The following MEGF6 variants were observed in gnomAD, a reference collection of about 807,000 sequenced individuals.
MEGF6 encodes multiple epidermal growth factor-like domains protein 6.
A neutral mutation model predicts 207.1 loss-of-function variants in MEGF6; 184 were observed. The observed-to-expected ratio is 0.89, with a 90% CI of 0.79 to 1.00. The LOEUF is 1.00. Among genes scored for constraint, MEGF6 ranks in the 50% least tolerant of loss-of-function variants. The pLI is 0.00. For missense variants in MEGF6, 2,282 were observed against 2,202.9 expected (o/e 1.04, Z -0.72); for synonymous variants, 1,038 against 910.0 (o/e 1.14, Z -2.53).
Position 3,492,920 on chromosome 1 carries a change from T to C in MEGF6, c.4388-153A>G, listed in dbSNP as rs1640433206. The stretch of plus-strand genomic sequence containing the variant: ...GGAGCTAAGACCTTGGGCCTCGGTT[T>C]CCCCTGAGGAGTAAACAGTCCCTGC... On this transcript the variant is annotated intron_variant, in intron 34 of 36. Transcript: ENST00000356575. The C allele has an allele frequency of 4.9e-6, 5 of 1,030,460 alleles. No individual in the cohort carries two copies. The East Asian group carries it at 1.1e-4, about 22-fold the overall frequency. 63.8% of individuals were successfully genotyped at this position (1,030,460 alleles called of 1,614,324 possible). A position where few individuals can be genotyped will look rare whatever the true frequency, so the allele number is the denominator to read the frequency against.
chr1:3,498,216 G>T (rs1281034761), intron 26 of MEGF6, among the ~76,000 whole-genome samples, 155 bp downstream of exon 26: 1 of 152,180 alleles, frequency 6.6e-6, no homozygotes, highest in Non-Finnish European at 1.5e-5. Context: ...CTCCCAACAG[G>T]GTCTTAGTGC....
rs1364136948 is a variant in MEGF6 at position 3,611,290 on chromosome 1, C to T, written c.-22G>A. 4.2e-6 allele frequency: 6 copies of T among 1,435,208 alleles called. No homozygotes were observed. The highest frequency in any genetic ancestry group is 3.0e-5 in the African/African-American group (2 of 67,488). 88.9% of individuals were successfully genotyped at this position (1,435,208 alleles called of 1,614,324 possible). ...ACATCGTGCGCGCCGGTGCCTCCTC[C>T]GCTCTCCGGCTCACAGGCGGCCCCG... On this transcript the variant is annotated 5_prime_UTR_variant, in exon 1 of 37. Transcript: ENST00000356575.
chr1:3,531,288 C>T, intron 4 of MEGF6: 1 of 1,295,922 alleles, frequency 7.7e-7, no homozygotes, highest in Non-Finnish European at 9.8e-7. Flanking sequence ...GGACCAACCG[C>T]GCTGCGCCCT....
rs1643148310 is a variant in MEGF6, at chr1:3,560,013, A to C, written c.481+19812T>G. On this transcript the variant is annotated intron_variant, in intron 4 of 36. Transcript: ENST00000356575. The surrounding 1 kb of genome is among the most constrained non-coding windows in gnomAD (Gnocchi z 4.0). ...CAACAGTATGAGAGTCCGTCTCAAA[A>C]TAAAAGAAAAAAAAAAAAAAAAAGG... 7.0e-6 allele frequency among the ~76,000 whole-genome samples: 1 copy of C among 142,596 alleles called. No homozygotes were observed. Among genetic ancestry groups the C allele is most frequent in the African/African-American group, 2.6e-5 (1 of 38,452 alleles). 93.5% of individuals were successfully genotyped at this position (142,596 alleles called of 152,430 possible). A position where few individuals can be genotyped will look rare whatever the true frequency, so the allele number is the denominator to read the frequency against.
Position 3,558,659 on chromosome 1 carries a change from T to C in MEGF6, c.481+21166A>G, listed in dbSNP as rs572367055. 4.6e-4 allele frequency among the ~76,000 whole-genome samples: 70 copies of C among 152,324 alleles called. 1 individual carries two copies. The highest frequency in any genetic ancestry group is 1.6e-3 in the African/African-American group (67 of 41,562). Reference sequence around the variant, plus strand: ...AGGGGAAAAACACAGAAACCAGAACTGCGTTAGGGATAAAAATCCCTTCCT... The same window carrying C: ...AGGGGAAAAACACAGAAACCAGAACCGCGTTAGGGATAAAAATCCCTTCCT... On this transcript the variant is annotated intron_variant, in intron 4 of 36. Transcript: ENST00000356575.
rs1569909165 is a variant in MEGF6, at chr1:3,490,495, A to T, written c.*33T>A. 1 of 1,611,388 alleles carries T rather than the reference A, an allele frequency of 6.2e-7. No individual in the cohort carries two copies. The highest frequency in any genetic ancestry group is 8.5e-7 in the Non-Finnish European group (1 of 1,178,676). On this transcript the variant is annotated 3_prime_UTR_variant, in exon 37 of 37. Coordinates refer to ENST00000356575, the MANE Select transcript of MEGF6 (RefSeq NM_001409.4). ...AAGGCCAGGGTCCCCTCTGGCTGGG[A>T]CTGGAGAGGCGGGCTCCACGGGACT...
At chr1:3,497,212 T>C in intron 27 of MEGF6, 21 bp downstream of exon 27, 1 of 1,508,404 alleles carries the variant, frequency 6.6e-7, no homozygotes, top group East Asian at 2.4e-5. Flanking sequence ...CTCCTCGGGG[T>C]GGGGGCTTGG....
intron 23 of MEGF6, 78 bp downstream of exon 23, chr1:3,499,510 G>A (rs910666685): frequency 6.6e-7 from 1 of 1,524,304 alleles, no homozygotes; most frequent in Non-Finnish European, 8.8e-7. Flanking sequence ...CTCAGGACAG[G>A]TGGCAGGAGG....
At chr1:3,508,346 C>T (rs138193706) in intron 13 of MEGF6, among the ~76,000 whole-genome samples, 6 of 152,342 alleles carry the variant, frequency 3.9e-5, no homozygotes, top group Non-Finnish European at 5.9e-5. Context: ...CCAGGGAATC[C>T]TTACTGCCTG....
At chr1:3,547,544 G>A (rs1432807449) in intron 4 of MEGF6, among the ~76,000 whole-genome samples, 1 of 152,150 alleles carries the variant, frequency 6.6e-6, no homozygotes, top group Non-Finnish European at 1.5e-5. Context: ...CCTTGGCTCT[G>A]AGGCCAGGAG....
In MEGF6 at chr1:3,581,389, C is replaced by G. The variant is rs559911112; in HGVS notation, c.377-1460G>C. Among the ~76,000 whole-genome samples, 44 of 152,302 alleles carry G rather than the reference C, an allele frequency of 2.9e-4. 1 individual carries two copies. In the East Asian group the frequency reaches 8.3e-3, roughly 29 times the overall value. On this transcript the variant is annotated intron_variant, in intron 3 of 36. Coordinates refer to ENST00000356575, the MANE Select transcript of MEGF6 (RefSeq NM_001409.4). ...CAGCCTCTTCCCTCCAGCCAAACAC[C>G]TGCAGCCTGAGGATGTGTCCGAACG...
chr1:3,502,012 C>A, intron 17 of MEGF6, 91 bp from the exon 18 acceptor site: 1 of 1,215,264 alleles, frequency 8.2e-7, no homozygotes, highest in South Asian at 1.7e-5. Flanking sequence ...GAGTGTGCCC[C>A]CTGTGCCTCA....
At chr1:3,616,249 C>T (rs147473889), upstream of MEGF6, among the ~76,000 whole-genome samples, 194 of 152,284 alleles carry the variant, frequency 1.3e-3, no homozygotes, top group African/African-American at 4.1e-3. Flanking sequence ...GAAAGCTCCC[C>T]GAACGAACAT....
intron 4 of MEGF6, among the ~76,000 whole-genome samples, chr1:3,530,601 G>A (rs79435356): frequency 0.028 from 4,297 of 152,282 alleles, 204 homozygotes; most frequent in African/African-American, 0.098. Context: ...CAGGCCACCA[G>A]GGTTCTCAGC....
Position 3,500,662 on chromosome 1 carries a change from G to A in MEGF6, c.2678C>T (p.Ala893Val). The A allele has an allele frequency of 1.3e-6, 2 of 1,568,492 alleles. No individual in the cohort carries two copies. Among genetic ancestry groups the A allele is most frequent in the Non-Finnish European group, 1.7e-6 (2 of 1,156,976 alleles). ...DAISGLCLCE[A>V]GYVGPRCEQQ... is the part of the protein sequence containing the mutation. ...CTCGCACCGCGGGCCCACGTAGCCAGCCTCACACAGACACAGGCCGCTGAT... is the reference window on the plus strand; with the variant it reads ...CTCGCACCGCGGGCCCACGTAGCCAACCTCACACAGACACAGGCCGCTGAT... Residue 893 changes from alanine to valine, a missense_variant, in exon 21 of 37, where the codon GCT becomes GTT. Ala to Val is a moderately conservative substitution (Grantham distance 64). Coordinates refer to ENST00000356575, the MANE Select transcript of MEGF6 (RefSeq NM_001409.4).
chr1:3,611,490 C>G lies in MEGF6; in HGVS notation c.-222G>C, dbSNP rs1236418128. 2 of 530,914 alleles carry G rather than the reference C, an allele frequency of 3.8e-6. No homozygotes were observed. Among genetic ancestry groups the G allele is most frequent in the Non-Finnish European group, 6.0e-6 (2 of 335,666 alleles). 32.9% of individuals were successfully genotyped at this position (530,914 alleles called of 1,614,324 possible). A position where few individuals can be genotyped will look rare whatever the true frequency, so the allele number is the denominator to read the frequency against. ...CGGGTCCACCCTGCAGGAACTCGCC[C>G]CGGCGCGTTGAGCACAGTGCCCCGG... On this transcript the variant is annotated 5_prime_UTR_variant, in exon 1 of 37. Coordinates refer to ENST00000356575, the MANE Select transcript of MEGF6 (RefSeq NM_001409.4).
rs1643157634 is a variant in MEGF6, at chr1:3,560,191, G to A, written c.481+19634C>T. Among the ~76,000 whole-genome samples, 2 of 151,834 alleles carry A rather than the reference G, an allele frequency of 1.3e-5. No homozygotes were observed. Among genetic ancestry groups the A allele is most frequent in the South Asian group, 2.1e-4 (1 of 4,814 alleles). ...TTTTTAAAGCACTTTTAGGCTTATG[G>A]AAAAACTGGACAGAAAGTACAGAGT... On this transcript the variant is annotated intron_variant, in intron 4 of 36. Coordinates refer to ENST00000356575, the MANE Select transcript of MEGF6 (RefSeq NM_001409.4). This position sits in a 1 kb window ranked among gnomAD's most constrained non-coding sequence, Gnocchi z 4.0.
At chr1:3,593,318 G>C (rs923178584) in intron 3 of MEGF6, among the ~76,000 whole-genome samples, 12 of 152,156 alleles carry the variant, frequency 7.9e-5, no homozygotes, top group African/African-American at 2.4e-4. Flanking sequence ...GGTGAACACA[G>C]GGGCACACGA....
chr1:3,616,254 G>A (rs948409113), upstream of MEGF6, among the ~76,000 whole-genome samples: 5 of 152,062 alleles, frequency 3.3e-5, no homozygotes, highest in African/African-American at 7.2e-5. Flanking sequence ...CTCCCCGAAC[G>A]AACATTTCTG....
Sources: allele counts gnomAD v4.1 joint callset (sites outside exome capture counted in the v4.1 genomes callset), GRCh38; gene constraint gnomAD v4.1.1; non-coding constraint Gnocchi (gnomAD v3.1); transcripts MANE v1.5; gene names NCBI Gene and HGNC (gene_info 2026-07-23, HGNC 2026-07-21).